The following IL21 variants were observed in gnomAD, a reference collection of about 807,000 sequenced individuals.
The protein encoded by IL21 is interleukin 21, also known as interleukin-21.
IL21 carries 3 observed loss-of-function variants against 18.4 expected under a neutral mutation model. The ratio of observed to expected loss-of-function variants is 0.16; its 90% CI spans 0.07 to 0.42. The LOEUF (loss-of-function observed/expected upper bound fraction) is 0.42, where lower values mean the gene tolerates loss of function less well. IL21 is among the 10% of genes least tolerant of loss of function. The pLI is 0.99. For missense variants in IL21, 130 were observed against 188.4 expected (o/e 0.69, Z 1.81); for synonymous variants, 37 against 62.0 (o/e 0.60, Z 1.90).
rs1278232576 is a variant in IL21 at position 122,610,351 on chromosome 4, C to T, written c.*2359G>A. On this transcript the variant is annotated 3_prime_UTR_variant, in exon 5 of 5. Coordinates refer to ENST00000648588, the MANE Select transcript of IL21 (RefSeq NM_021803.4). The stretch of plus-strand genomic sequence containing the variant: ...AATAATAAAGATCATGATTAATTTT[C>T]CCTGAACTCTCATGACCTATAATAA... Among the ~76,000 whole-genome samples, 1 of 152,064 alleles carries T rather than the reference C, an allele frequency of 6.6e-6. No individual in the cohort carries two copies. The highest frequency in any genetic ancestry group is 1.5e-5 in the Non-Finnish European group (1 of 68,010).
intron 2 of IL21, among the ~76,000 whole-genome samples, chr4:122,616,164 G>T (rs1309714621): frequency 6.6e-6 from 1 of 152,224 alleles, no homozygotes; most frequent in South Asian, 2.1e-4. Context: ...GGACACATTT[G>T]CTGAGTTATG....
intron 3 of IL21, among the ~76,000 whole-genome samples, chr4:122,613,380 C>A (rs887667266): frequency 1.7e-4 from 19 of 111,582 alleles, no homozygotes; most frequent in African/African-American, 4.1e-4. Flanking sequence ...TGGAGACAGT[C>A]TTGCTGTGTC....
chr4:122,620,301 A>G (rs960842181), intron 2 of IL21: 17 of 165,544 alleles, frequency 1.0e-4, no homozygotes, highest in Non-Finnish European at 1.6e-4. Context: ...TTCCTACTGT[A>G]TGTATCTATG....
intron 2 of IL21, among the ~76,000 whole-genome samples, chr4:122,619,739 G>A (rs1370922067): frequency 6.6e-6 from 1 of 152,190 alleles, no homozygotes; most frequent in African/African-American, 2.4e-5. Context: ...GAGTGTTTGG[G>A]TTCAGAGCTA....
In IL21 at chr4:122,612,904, C is replaced by G. The variant is rs1242206216; in HGVS notation, c.385G>C (p.Glu129Gln). Residue 129 changes from glutamate (E) to glutamine (Q), a missense_variant, in exon 4 of 5, where the codon GAG becomes CAG. Glu to Gln is a conservative substitution (Grantham distance 29). Coordinates refer to ENST00000648588, the MANE Select transcript of IL21 (RefSeq NM_021803.4). ...RLTCPSCDSY[E>Q]KKPPKEFLER... Reference sequence around the variant, plus strand: ...AGGAATTCTTTGGGTGGTTTTTTCTCATAAGAATCACATGAAGGGCATGTC... The same window carrying G: ...AGGAATTCTTTGGGTGGTTTTTTCTGATAAGAATCACATGAAGGGCATGTC... The G allele has an allele frequency of 1.2e-6, 2 of 1,608,966 alleles. No homozygotes were observed. Among genetic ancestry groups the G allele is most frequent in the Non-Finnish European group, 1.7e-6 (2 of 1,176,624 alleles).
Position 122,612,611 on chromosome 4 carries a change from A to G in IL21, c.*99T>C. ...GCACACTTATGAGTTTTTTTTTCCCATCGCTAATATATTGTACTCCTCCAC... is the reference window on the plus strand; with the variant it reads ...GCACACTTATGAGTTTTTTTTTCCCGTCGCTAATATATTGTACTCCTCCAC... On this transcript the variant is annotated 3_prime_UTR_variant, in exon 5 of 5. Coordinates refer to ENST00000648588, the MANE Select transcript of IL21 (RefSeq NM_021803.4). The G allele has an allele frequency of 2.4e-6, 2 of 845,176 alleles. No individual in the cohort carries two copies. Among genetic ancestry groups the G allele is most frequent in the Middle Eastern group, 2.5e-4 (1 of 3,956 alleles). 52.4% of individuals were successfully genotyped at this position (845,176 alleles called of 1,614,324 possible). A position where few individuals can be genotyped will look rare whatever the true frequency, so the allele number is the denominator to read the frequency against.
rs34061725 is a variant in IL21 at position 122,613,347 on chromosome 4, CTTTTT to C, written c.361-424_361-420del. On this transcript the variant is annotated intron_variant, in intron 3 of 4. Transcript: ENST00000648588. ...TTTTGGACCCAAAGGTTGCATCTAA[CTTTTT>C]TTTTTTTTTTTTTTTTTTGGAGACA... Among the ~76,000 whole-genome samples, 12 of 94,956 alleles carry C rather than the reference CTTTTT, an allele frequency of 1.3e-4. 1 individual carries two copies. In the South Asian group the frequency reaches 2.1e-3, roughly 16 times the overall value. 62.3% of individuals were successfully genotyped at this position (94,956 alleles called of 152,430 possible).
intron 2 of IL21, among the ~76,000 whole-genome samples, chr4:122,617,852 A>G (rs1275469816): frequency 1.3e-5 from 2 of 152,210 alleles, no homozygotes; most frequent in Non-Finnish European, 2.9e-5. Context: ...GGCAGCCTCA[A>G]AAGAGGAAAA....
At chr4:122,618,506 G>T (rs1260938666) in intron 2 of IL21, among the ~76,000 whole-genome samples, 1 of 151,926 alleles carries the variant, frequency 6.6e-6, no homozygotes, top group African/African-American at 2.4e-5. Flanking sequence ...TGCTAATTGG[G>T]CAAGACTACC....
At chr4:122,619,947 C>T (rs1048104969) in intron 2 of IL21, 9 of 152,318 alleles carry the variant, frequency 5.9e-5, no homozygotes, top group African/African-American at 2.2e-4. Context: ...AACATTTCCC[C>T]AATTGCATTT....
intron 2 of IL21, among the ~76,000 whole-genome samples, chr4:122,620,496 T>A (rs1160243219): frequency 6.6e-6 from 1 of 152,212 alleles, no homozygotes; most frequent in East Asian, 1.9e-4. Context: ...ACATAGTTTA[T>A]GAGGAATATA....
chr4:122,619,710 A>C (rs1799396427), intron 2 of IL21, among the ~76,000 whole-genome samples: 1 of 152,252 alleles, frequency 6.6e-6, no homozygotes, highest in Non-Finnish European at 1.5e-5. Flanking sequence ...TGCTTATTAG[A>C]AAAGGACCTA....
rs1799421362 is a variant in IL21 at position 122,621,036 on chromosome 4, T to C, written c.-25A>G. The C allele has an allele frequency of 6.2e-7, 1 of 1,602,444 alleles. No homozygotes were observed. The highest frequency in any genetic ancestry group is 8.5e-7 in the Non-Finnish European group (1 of 1,172,812). On this transcript the variant is annotated 5_prime_UTR_variant, in exon 1 of 5. Coordinates refer to ENST00000648588, the MANE Select transcript of IL21 (RefSeq NM_021803.4). ...TAAGTACCAACAGTAGAGCTAGACC[T>C]TGGTCTCGTTTTCACTTCAGCTTGA... is the stretch of plus-strand genomic sequence containing the variant.
chr4:122,619,148 G>C (rs17878532), intron 2 of IL21: 1 of 152,136 alleles, frequency 6.6e-6, no homozygotes, highest in African/African-American at 2.4e-5. Context: ...GCCAATTAGA[G>C]ATCTTAGATA....
rs532973468 is a variant in IL21 at position 122,614,897 on chromosome 4, C to A, written c.360+785G>T. ...GTAATGAGGCCTCCCTATTTCAATT[C>A]AATACTGACTCTGCTGATGTACAGG... is the stretch of plus-strand genomic sequence containing the variant. On this transcript the variant is annotated intron_variant, in intron 3 of 4. Transcript: ENST00000648588. Among the ~76,000 whole-genome samples, 9 of 152,156 alleles carry A rather than the reference C, an allele frequency of 5.9e-5. No individual in the cohort carries two copies. The South Asian group carries it at 1.9e-3, about 32-fold the overall frequency.
At position 122,611,464 on chromosome 4, in the gene IL21, T is replaced by G. The variant is rs1799263073; in HGVS notation, c.*1246A>C. Among the ~76,000 whole-genome samples the G allele has an allele frequency of 6.6e-6, 1 of 152,204 alleles. No individual in the cohort carries two copies. The highest frequency in any genetic ancestry group is 1.5e-5 in the Non-Finnish European group (1 of 68,028). Reference sequence around the variant, plus strand: ...TCCTCTTGCATAATCACAACTATTTTAACAATAAGAGATTCTCAAATAGCT... The same window carrying G: ...TCCTCTTGCATAATCACAACTATTTGAACAATAAGAGATTCTCAAATAGCT... On this transcript the variant is annotated 3_prime_UTR_variant, in exon 5 of 5. Coordinates refer to ENST00000648588, the MANE Select transcript of IL21 (RefSeq NM_021803.4).
intron 2 of IL21, among the ~76,000 whole-genome samples, chr4:122,616,842 C>A (rs146215621): frequency 2.0e-5 from 3 of 152,192 alleles, no homozygotes; most frequent in South Asian, 4.2e-4. Flanking sequence ...TTTCAGCAAA[C>A]GTGTGTATGT....
chr4:122,617,100 T>C (rs1210461886), intron 2 of IL21, among the ~76,000 whole-genome samples: 2 of 152,202 alleles, frequency 1.3e-5, no homozygotes, highest in Non-Finnish European at 2.9e-5. Flanking sequence ...GACACAAACC[T>C]ATCAGGTTTG....
At chr4:122,616,538 A>C (rs1799339765) in intron 2 of IL21, among the ~76,000 whole-genome samples, 1 of 152,192 alleles carries the variant, frequency 6.6e-6, no homozygotes, top group Admixed American at 6.5e-5. Flanking sequence ...ATTCTGCCTG[A>C]ATCAAGCAGT....
Sources: gnomAD v4.1 joint callset for allele counts (sites outside exome capture counted in the v4.1 genomes callset) on GRCh38, gnomAD v4.1.1 for gene constraint, MANE v1.5 for transcripts, NCBI Gene and HGNC (gene_info 2026-07-23, HGNC 2026-07-21) for gene names.